The following GRID2IP variants were observed in gnomAD, a reference collection of about 807,000 sequenced individuals.
GRID2IP encodes the protein Grid2 interacting protein.
A neutral mutation model predicts 114.3 loss-of-function variants in GRID2IP; 78 were observed. The ratio of observed to expected loss-of-function variants is 0.68; its 90% CI spans 0.57 to 0.82. The LOEUF (loss-of-function observed/expected upper bound fraction) is 0.82. Among genes scored for constraint, GRID2IP ranks in the 40% least tolerant of loss-of-function variants. GRID2IP has a pLI of 0.00. For missense variants in GRID2IP, 1,727 were observed against 1,678.5 expected, an observed-to-expected ratio of 1.03 and a Z score of -0.51; for synonymous variants, 809 against 724.0, an observed-to-expected ratio of 1.12 and a Z score of -1.89.
rs752800575 is a variant in GRID2IP at position 6,505,856 on chromosome 7, C to T, written c.2596G>A (p.Asp866Asn). The T allele has an allele frequency of 1.9e-5, 30 of 1,552,000 alleles. No individual in the cohort carries two copies. Among genetic ancestry groups the T allele is most frequent in the East Asian group, 2.4e-5 (1 of 40,926 alleles). Reference sequence around the variant, plus strand: ...TGGGTGCCGAAGTGGAGCTCCAGGTCGAGGTATTTCACCATGTCACTCAGC... The same window carrying T: ...TGGGTGCCGAAGTGGAGCTCCAGGTTGAGGTATTTCACCATGTCACTCAGC... ...DKLSDMVKYL[D>N]LELHFGTQKP... The change falls in exon 14 of 22, where the codon GAC (aspartate) becomes AAC (asparagine). Residue 866 changes from aspartate (D) to asparagine (N), a missense_variant. Asp to Asn is a conservative substitution (Grantham distance 23). Coordinates refer to ENST00000457091, the MANE Select transcript of GRID2IP (RefSeq NM_001145118.2).
chr7:6,507,847 GCTGGGCCT>G lies in GRID2IP; in HGVS notation c.2544+130_2544+137del, dbSNP rs1169268159. 54 of 1,349,538 alleles carry G rather than the reference GCTGGGCCT, an allele frequency of 4.0e-5. No individual in the cohort carries two copies. Among genetic ancestry groups the G allele is most frequent in the Admixed American group, 1.4e-4 (5 of 35,006 alleles). 83.6% of individuals were successfully genotyped at this position (1,349,538 alleles called of 1,614,324 possible). ...CCCCCAAGCGTGGGGACGTTCTTGG[GCTGGGCCT>G]CTACTCATCCTCTGCTTGGGGTAGG... On this transcript the variant is annotated intron_variant, in intron 13 of 21. Coordinates refer to ENST00000457091, the MANE Select transcript of GRID2IP (RefSeq NM_001145118.2). The surrounding 1 kb of genome is among the most constrained non-coding windows in gnomAD (Gnocchi z 5.3).
intron 20 of GRID2IP, among the ~76,000 whole-genome samples, chr7:6,500,542 T>C (rs1191668367): frequency 6.6e-6 from 1 of 152,188 alleles, no homozygotes; most frequent in Admixed American, 6.5e-5. Context: ...TAGAGTTTGC[T>C]TAGTGATTCT....
Position 6,522,665 on chromosome 7 carries a change from A to G in GRID2IP, c.920-708T>C, listed in dbSNP as rs182800535. 1.3e-4 allele frequency among the ~76,000 whole-genome samples: 19 copies of G among 150,558 alleles called. No individual in the cohort carries two copies. The East Asian group carries it at 3.7e-3, about 29-fold the overall frequency. ...CACTCCGGGCTAATTTTTTTTTTTG[A>G]GATGGAGTCTCGCTCTATCACCCAG... On this transcript the variant is annotated intron_variant, in intron 4 of 21. Coordinates refer to ENST00000457091, the MANE Select transcript of GRID2IP (RefSeq NM_001145118.2).
At chr7:6,525,620 C>T (rs182506267) in intron 4 of GRID2IP, among the ~76,000 whole-genome samples, 12 of 151,966 alleles carry the variant, frequency 7.9e-5, no homozygotes, top group South Asian at 2.1e-4. Flanking sequence ...GGTGACAGAG[C>T]GAGACACTAT....
At chr7:6,549,234 G>T (rs755119916) in intron 1 of GRID2IP, among the ~76,000 whole-genome samples, 1 of 152,172 alleles carries the variant, frequency 6.6e-6, no homozygotes, top group Non-Finnish European at 1.5e-5. Flanking sequence ...CAAATCAGGG[G>T]TTGCTTGGGA....
At chr7:6,512,803 G>A (rs1343076943) in intron 8 of GRID2IP, among the ~76,000 whole-genome samples, 2 of 151,992 alleles carry the variant, frequency 1.3e-5, no homozygotes, top group East Asian at 1.9e-4. Flanking sequence ...GAGTCACCGC[G>A]CACGGCCACC....
chr7:6,535,968 C>T (rs1779716580), intron 2 of GRID2IP, among the ~76,000 whole-genome samples: 1 of 152,194 alleles, frequency 6.6e-6, no homozygotes, highest in African/African-American at 2.4e-5. Context: ...CCTGCTGCCT[C>T]CTCCAAGAAG....
chr7:6,547,643 A>T (rs894693404), intron 1 of GRID2IP, among the ~76,000 whole-genome samples: 1 of 152,130 alleles, frequency 6.6e-6, no homozygotes, highest in Non-Finnish European at 1.5e-5. Flanking sequence ...GAAGATCTGG[A>T]CTTTGGTGAT....
rs1039649617 is a variant in GRID2IP at position 6,519,627 on chromosome 7, T to C, written c.1268+951A>G. ...ACAAAATTAGCCAGGCGTGGTGGCA[T>C]ATGCCTGTAATCCCAGCTACTTGGG... On this transcript the variant is annotated intron_variant, in intron 7 of 21. Transcript: ENST00000457091. This position sits in a 1 kb window ranked among gnomAD's most constrained non-coding sequence, Gnocchi z 4.1. Among the ~76,000 whole-genome samples, 2 of 151,802 alleles carry C rather than the reference T, an allele frequency of 1.3e-5. No individual in the cohort carries two copies. Among genetic ancestry groups the C allele is most frequent in the African/African-American group, 4.8e-5 (2 of 41,344 alleles).
At chr7:6,546,770 G>T (rs1160477481) in intron 1 of GRID2IP, among the ~76,000 whole-genome samples, 1 of 152,016 alleles carries the variant, frequency 6.6e-6, no homozygotes, top group South Asian at 2.1e-4. Context: ...TCTACCCTCA[G>T]CGGGTTGCTG....
In GRID2IP at chr7:6,507,072, C is replaced by T. The variant is rs1786614097; in HGVS notation, c.2544+913G>A. 1.3e-5 allele frequency among the ~76,000 whole-genome samples: 2 copies of T among 152,144 alleles called. No individual in the cohort carries two copies. The highest frequency in any genetic ancestry group is 2.9e-5 in the Non-Finnish European group (2 of 68,034). On this transcript the variant is annotated intron_variant, in intron 13 of 21. Transcript: ENST00000457091. This position sits in a 1 kb window ranked among gnomAD's most constrained non-coding sequence, Gnocchi z 5.3. ...GACAGAATTGGGACCCAGGAGATGGCAGTGGGGAAAAATCACAAGCATGCC... is the reference window on the plus strand; with the variant it reads ...GACAGAATTGGGACCCAGGAGATGGTAGTGGGGAAAAATCACAAGCATGCC...
chr7:6,510,478 G>A (rs533085221), intron 10 of GRID2IP, 78 bp from the exon 11 acceptor site: 10 of 1,319,742 alleles, frequency 7.6e-6, no homozygotes, highest in African/African-American at 4.5e-5. Flanking sequence ...TGGGTGGGCC[G>A]GGAGGCAGGG....
At position 6,530,205 on chromosome 7, in the gene GRID2IP, G is replaced by A. The variant is rs567211107; in HGVS notation, c.585-3436C>T. ...AATTTCCTGACCTCATGATCCGCCC[G>A]CCTCGGCCTCCCAAAGTGCTGGGAT... On this transcript the variant is annotated intron_variant, in intron 2 of 21. Coordinates refer to ENST00000457091, the MANE Select transcript of GRID2IP (RefSeq NM_001145118.2). 5.3e-5 allele frequency among the ~76,000 whole-genome samples: 8 copies of A among 151,866 alleles called. No homozygotes were observed. In the South Asian group the frequency reaches 1.0e-3, roughly 20 times the overall value.
In GRID2IP at chr7:6,519,578, A is replaced by AG. The variant is rs1779374579; in HGVS notation, c.1268+999dup. ...TTTGAGACCAGCCTGACCAACATGG[A>AG]GAAACCCTATCTCTACTAAAAGTAC... On this transcript the variant is annotated intron_variant, in intron 7 of 21. Transcript: ENST00000457091. The surrounding 1 kb of genome is among the most constrained non-coding windows in gnomAD (Gnocchi z 4.1). Among the ~76,000 whole-genome samples the AG allele has an allele frequency of 6.6e-6, 1 of 151,634 alleles. No homozygotes were observed. The highest frequency in any genetic ancestry group is 1.5e-5 in the Non-Finnish European group (1 of 67,894).
intron 2 of GRID2IP, among the ~76,000 whole-genome samples, chr7:6,529,052 C>G (rs751594758): frequency 3.3e-5 from 5 of 152,162 alleles, no homozygotes; most frequent in Middle Eastern, 6.3e-3. Flanking sequence ...ACTTCCGGCT[C>G]CAGCCACAGA....
At position 6,532,138 on chromosome 7, in the gene GRID2IP, C is replaced by G. The variant is rs941405143; in HGVS notation, c.585-5369G>C. ...TCCCCTGAACAGCAGCAGGAGGGGA[C>G]CCCAGCGTGCCTGCTTGCGTGTCAT... is the stretch of plus-strand genomic sequence containing the variant. On this transcript the variant is annotated intron_variant, in intron 2 of 21. Coordinates refer to ENST00000457091, the MANE Select transcript of GRID2IP (RefSeq NM_001145118.2). The surrounding 1 kb of genome is among the most constrained non-coding windows in gnomAD (Gnocchi z 4.4). 2.0e-5 allele frequency among the ~76,000 whole-genome samples: 3 copies of G among 152,112 alleles called. No homozygotes were observed. Among genetic ancestry groups the G allele is most frequent in the African/African-American group, 7.2e-5 (3 of 41,428 alleles).
intron 7 of GRID2IP, among the ~76,000 whole-genome samples, chr7:6,517,195 C>T (rs752572558): frequency 9.9e-5 from 15 of 151,850 alleles, no homozygotes; most frequent in Non-Finnish European, 1.3e-4. Context: ...GCTGGGACTA[C>T]AGGCGCCTGC....
intron 1 of GRID2IP, among the ~76,000 whole-genome samples, chr7:6,541,733 A>G (rs1249407020): frequency 6.6e-6 from 1 of 152,196 alleles, no homozygotes; most frequent in Non-Finnish European, 1.5e-5. Flanking sequence ...GTTGGAAATG[A>G]GCATGCAAAT....
intron 7 of GRID2IP, among the ~76,000 whole-genome samples, chr7:6,514,966 AG>A (rs905241068): frequency 4.0e-5 from 6 of 150,636 alleles, no homozygotes; most frequent in Non-Finnish European, 7.4e-5. Flanking sequence ...AAAAAAAAAA[AG>A]AAAAGAAAAA....
Sources: gnomAD v4.1 joint callset for allele counts (sites outside exome capture counted in the v4.1 genomes callset) on GRCh38, gnomAD v4.1.1 for gene constraint, Gnocchi (gnomAD v3.1) non-coding constraint, MANE v1.5 for transcripts, NCBI Gene and HGNC (gene_info 2026-07-23, HGNC 2026-07-21) for gene names.